Variants in WDFY3 observed in about 807,000 individuals in gnomAD.
The protein encoded by WDFY3 is WD repeat and FYVE domain containing 3.
A neutral mutation model predicts 409.6 loss-of-function variants in WDFY3; 66 were observed. The ratio of observed to expected loss-of-function variants is 0.16; its 90% confidence interval spans 0.13 to 0.20. The LOEUF is 0.20. WDFY3 is among the 10% of genes least tolerant of loss of function. The pLI, the probability that WDFY3 is intolerant of heterozygous loss-of-function variation, is 1.00. For synonymous variants in WDFY3, 1,521 were observed against 1,537.1 expected, an observed-to-expected ratio of 0.99 and a Z score of 0.25; for missense variants, 3,031 against 4,298.1, an observed-to-expected ratio of 0.71 and a Z score of 8.24.
intron 56 of WDFY3, among the ~76,000 whole-genome samples, chr4:84,697,505 A>G (rs1384911488): frequency 2.6e-5 from 4 of 152,254 alleles, no homozygotes; most frequent in Non-Finnish European, 4.4e-5. Flanking sequence ...CACATAAATA[A>G]TATTTATTCC....
At position 84,705,386 on chromosome 4, in the gene WDFY3, T is replaced by C. The variant is rs1276900177; in HGVS notation, c.8335+8A>G. On this transcript the variant is annotated splice_region_variant and intron_variant, in intron 54 of 67. Coordinates refer to ENST00000295888, the MANE Select transcript of WDFY3 (RefSeq NM_014991.6). Reference sequence around the variant, plus strand: ...GTACAAAGTCCAATGACAGAAAAAGTTCCTTACCATTAGGATCCTCCCAGT... The same window carrying C: ...GTACAAAGTCCAATGACAGAAAAAGCTCCTTACCATTAGGATCCTCCCAGT... The C allele has an allele frequency of 1.2e-6, 2 of 1,609,656 alleles. No homozygotes were observed. The highest frequency in any genetic ancestry group is 1.7e-5 in the Admixed American group (1 of 59,560).
chr4:84,756,966 C>G lies in WDFY3; in HGVS notation c.5384G>C (p.Ser1795Thr). The change falls in exon 33 of 68, where the codon AGT (serine) becomes ACT (threonine). Residue 1795 changes from serine (S) to threonine (T), a missense_variant. Ser to Thr is a moderately conservative substitution (Grantham distance 58). Transcript: ENST00000295888. ...ACTCCGGCAGCTGATGACAGGCACA[C>G]TGACCTGCAGGTTCTCAGGCAGCTC... ...VSELPENLQV[S>T]VPVISCRSKQ... 1 of 1,614,068 alleles carries G rather than the reference C, an allele frequency of 6.2e-7. No individual in the cohort carries two copies. Among genetic ancestry groups the G allele is most frequent in the South Asian group, 1.1e-5 (1 of 91,084 alleles).
intron 64 of WDFY3, among the ~76,000 whole-genome samples, chr4:84,680,099 C>T (rs1184661443): frequency 2.6e-5 from 4 of 151,918 alleles, no homozygotes; most frequent in Non-Finnish European, 5.9e-5. Context: ...CTATGTTGGC[C>T]AGGCTGGTCT....
chr4:84,700,489 C>T (rs1490642740), intron 56 of WDFY3, among the ~76,000 whole-genome samples: 1 of 152,180 alleles, frequency 6.6e-6, no homozygotes, highest in African/African-American at 2.4e-5. Context: ...CAGGTGTGAG[C>T]CACCATGCCT....
intron 2 of WDFY3, among the ~76,000 whole-genome samples, chr4:84,921,332 G>A (rs1049745588): frequency 6.6e-6 from 1 of 151,878 alleles, no homozygotes; most frequent in Non-Finnish European, 1.5e-5. Context: ...GAAAAGAAGG[G>A]AAGGAAAATA....
At position 84,721,591 on chromosome 4, in the gene WDFY3, G is replaced by T; in HGVS notation, c.7442-19C>A. 1.2e-6 allele frequency: 2 copies of T among 1,601,030 alleles called. No homozygotes were observed. Among genetic ancestry groups the T allele is most frequent in the Non-Finnish European group, 8.5e-7 (1 of 1,179,648 alleles). ...ACCAAACCTACAGTATAATAACCAA[G>T]AGGGCCATGTGGCATTGTAAGGACC... On this transcript the variant is annotated intron_variant, in intron 46 of 67. Transcript: ENST00000295888.
At chr4:84,802,941 AACAG>A (rs1472117031) in intron 16 of WDFY3, among the ~76,000 whole-genome samples, 1 of 152,152 alleles carries the variant, frequency 6.6e-6, no homozygotes, top group East Asian at 1.9e-4. Context: ...AACAAGTCAA[AACAG>A]ACAAATAGCC....
At chr4:84,802,384 C>A (rs1257634905) in intron 16 of WDFY3, among the ~76,000 whole-genome samples, 1 of 151,922 alleles carries the variant, frequency 6.6e-6, no homozygotes, top group African/African-American at 2.4e-5. Context: ...CTCAGTCCGC[C>A]GAGTAGCTCG....
intron 46 of WDFY3, among the ~76,000 whole-genome samples, chr4:84,723,209 G>A (rs1310609337): frequency 5.3e-5 from 8 of 152,134 alleles, no homozygotes; most frequent in Non-Finnish European, 8.8e-5. Context: ...GTTCAACTAC[G>A]AACAGTTTCA....
Position 84,740,223 on chromosome 4 carries a change from C to G in WDFY3, c.6428G>C (p.Cys2143Ser), listed in dbSNP as rs1044208634. The change falls in exon 39 of 68, where the codon TGT (cysteine) becomes TCT (serine). Residue 2143 changes from cysteine to serine, a missense_variant. By Grantham distance (112) the Cys-to-Ser change is moderately radical. Around this residue, in one of 16 missense-constraint regions of WDFY3, gnomAD observed 314 missense variants for 397.4 expected, o/e 0.79. Transcript: ENST00000295888. The part of the protein sequence containing the change: ...PGNHDQEFIS[C>S]LAHCLINLHV... Reference sequence around the variant, plus strand: ...TAGATTTATCAAGCAGTGGGCCAGACAGCTAATGAATTCTTGGTCATGGTT... The same window carrying G: ...TAGATTTATCAAGCAGTGGGCCAGAGAGCTAATGAATTCTTGGTCATGGTT... 3.7e-6 allele frequency: 6 copies of G among 1,614,036 alleles called. No individual in the cohort carries two copies. The Admixed American group carries it at 6.7e-5, about 18-fold the overall frequency.
intron 25 of WDFY3, 66 bp from the exon 26 acceptor site, chr4:84,780,364 A>T (rs1357259010): frequency 1.6e-5 from 23 of 1,422,886 alleles, no homozygotes; most frequent in Non-Finnish European, 2.2e-5. Context: ...TGTATACATC[A>T]TCTTGAAAAG....
intron 35 of WDFY3, among the ~76,000 whole-genome samples, chr4:84,753,203 A>G (rs1740842909): frequency 6.6e-6 from 1 of 152,216 alleles, no homozygotes; most frequent in South Asian, 2.1e-4. Context: ...AGTACAAAAT[A>G]AGCAAAATAA....
intron 33 of WDFY3, 54 bp from the exon 34 acceptor site, chr4:84,755,454 C>G: frequency 6.4e-7 from 1 of 1,561,440 alleles, no homozygotes; most frequent in South Asian, 1.2e-5. Context: ...TCAGTAGAGA[C>G]CCTCATAAGT....
At chr4:84,959,049 T>G (rs555631332) in intron 1 of WDFY3, among the ~76,000 whole-genome samples, 3 of 152,168 alleles carry the variant, frequency 2.0e-5, no homozygotes, top group Admixed American at 1.3e-4. Context: ...CAATTGACAA[T>G]AGTAATACTT....
In WDFY3 at chr4:84,965,154, C is replaced by T. The variant is rs140616443; in HGVS notation, c.-226+1055G>A. ...CTGTTTTATGTTATGTTTGTTACGT[C>T]GCCTGATAGTCGAAACCAGTTGTTC... On this transcript the variant is annotated intron_variant, in intron 1 of 67. Coordinates refer to ENST00000295888, the MANE Select transcript of WDFY3 (RefSeq NM_014991.6). 5.4e-4 allele frequency among the ~76,000 whole-genome samples: 82 copies of T among 152,160 alleles called. No homozygotes were observed. The East Asian group carries it at 0.015, about 28-fold the overall frequency.
intron 1 of WDFY3, among the ~76,000 whole-genome samples, chr4:84,956,228 T>G (rs139544882): frequency 6.6e-6 from 1 of 152,156 alleles, no homozygotes; most frequent in Non-Finnish European, 1.5e-5. Flanking sequence ...ACATACCAAT[T>G]ACAACATGTC....
intron 22 of WDFY3, among the ~76,000 whole-genome samples, chr4:84,789,225 C>T (rs745804562): frequency 3.3e-5 from 5 of 151,966 alleles, no homozygotes; most frequent in Non-Finnish European, 7.4e-5. Context: ...TCACAATCTA[C>T]AGTAATGTTT....
At chr4:84,781,606 T>A (rs907804415) in intron 25 of WDFY3, among the ~76,000 whole-genome samples, 1 of 152,064 alleles carries the variant, frequency 6.6e-6, no homozygotes, top group Admixed American at 6.6e-5. Flanking sequence ...CCTAAGGTAA[T>A]TAGGGCCAGT....
chr4:84,879,982 T>G (rs1236739358), intron 3 of WDFY3, among the ~76,000 whole-genome samples: 2 of 152,240 alleles, frequency 1.3e-5, no homozygotes, highest in African/African-American at 2.4e-5. Flanking sequence ...TACTACATCC[T>G]AATCTCTAGA....
Sources: gnomAD v4.1 joint callset for allele counts (sites outside exome capture counted in the v4.1 genomes callset) on GRCh38, gnomAD v4.1.1 for gene constraint, gnomAD v4.1.1 regional missense constraint, MANE v1.5 for transcripts, NCBI Gene and HGNC (gene_info 2026-07-23, HGNC 2026-07-21) for gene names.